MTMR2: variants seen among roughly 807,000 people sequenced by gnomAD.
The protein encoded by MTMR2 is myotubularin related protein 2.
Under a neutral mutation model 86.9 loss-of-function variants are expected in MTMR2, and 55 were observed. The ratio of observed to expected loss-of-function variants is 0.63; its 90% CI spans 0.51 to 0.79. MTMR2 has a LOEUF of 0.79. MTMR2 is among the 30% of genes least tolerant of loss of function. The pLI is 0.00. For missense variants in MTMR2, 659 were observed against 772.3 expected (o/e 0.85, Z 1.74); for synonymous variants, 241 against 266.8 (o/e 0.90, Z 0.94).
At chr11:95,891,063 TA>T (rs1424639231) in intron 1 of MTMR2, among the ~76,000 whole-genome samples, 1 of 152,188 alleles carries the variant, frequency 6.6e-6, no homozygotes, top group Non-Finnish European at 1.5e-5. Context: ...GAAAAACTCT[TA>T]AAGGCAATTG....
chr11:95,847,240 G>A (rs923317796), intron 10 of MTMR2, among the ~76,000 whole-genome samples: 8 of 152,074 alleles, frequency 5.3e-5, no homozygotes, highest in Admixed American at 1.3e-4. Flanking sequence ...CTATTCACAC[G>A]GATAGTGCTG....
chr11:95,855,842 G>C (rs1202659706), intron 7 of MTMR2, among the ~76,000 whole-genome samples: 2 of 152,118 alleles, frequency 1.3e-5, no homozygotes, highest in African/African-American at 4.8e-5. Context: ...ATTCATTCAA[G>C]AGCCTACATC....
chr11:95,905,433 T>C (rs1278320031), intron 1 of MTMR2, among the ~76,000 whole-genome samples: 2 of 151,916 alleles, frequency 1.3e-5, no homozygotes, highest in African/African-American at 4.8e-5. Flanking sequence ...CGGCATCCTG[T>C]AATTGACAAC....
At chr11:95,841,953 G>C (rs2135418012) in intron 11 of MTMR2, among the ~76,000 whole-genome samples, 1 of 152,126 alleles carries the variant, frequency 6.6e-6, no homozygotes, top group East Asian at 1.9e-4. Flanking sequence ...TAAAAGCCAG[G>C]CATGGTGGCG....
intron 7 of MTMR2, among the ~76,000 whole-genome samples, chr11:95,855,987 A>C (rs1864195216): frequency 6.6e-6 from 1 of 152,204 alleles, no homozygotes; most frequent in Admixed American, 6.5e-5. Context: ...TAAAACAGTA[A>C]ATTTTATGGT....
chr11:95,902,481 C>A (rs1290012536), intron 1 of MTMR2, among the ~76,000 whole-genome samples: 1 of 152,140 alleles, frequency 6.6e-6, no homozygotes, highest in Admixed American at 6.5e-5. Context: ...TTACAACTAT[C>A]CACATTAAAA....
intron 1 of MTMR2, among the ~76,000 whole-genome samples, chr11:95,908,248 C>T (rs1866364826): frequency 6.6e-6 from 1 of 151,548 alleles, no homozygotes. Context: ...TTCACAATAC[C>T]TATAAAAAAA....
intron 2 of MTMR2, among the ~76,000 whole-genome samples, chr11:95,875,784 G>C (rs1865087331): frequency 6.6e-6 from 1 of 151,968 alleles, no homozygotes; most frequent in Non-Finnish European, 1.5e-5. Flanking sequence ...TTTTGGTGTG[G>C]ATGTCCTTTC....
At position 95,865,692 on chromosome 11, in the gene MTMR2, C is replaced by CA. The variant is rs1195059303; in HGVS notation, c.187-17dup. On this transcript the variant is annotated splice_polypyrimidine_tract_variant and intron_variant, in intron 2 of 14. Coordinates refer to ENST00000346299, the MANE Select transcript of MTMR2 (RefSeq NM_016156.6). The stretch of plus-strand genomic sequence containing the variant: ...CCCTCAGGACCTGGGGTGGGAAAGA[C>CA]AAAAAAAGAAACATTTTTTTATTCA... 2 of 1,586,236 alleles carry CA rather than the reference C, an allele frequency of 1.3e-6. No individual in the cohort carries two copies. The highest frequency in any genetic ancestry group is 1.3e-5 in the African/African-American group (1 of 74,574).
At chr11:95,889,531 C>G (rs532234090) in intron 1 of MTMR2, among the ~76,000 whole-genome samples, 1 of 117,446 alleles carries the variant, frequency 8.5e-6, no homozygotes, top group Non-Finnish European at 1.8e-5. Context: ...GGGAGGGGGG[C>G]GGGGGAGAAA....
chr11:95,886,903 C>A (rs1865533232), intron 2 of MTMR2, among the ~76,000 whole-genome samples: 1 of 152,040 alleles, frequency 6.6e-6, no homozygotes, highest in Non-Finnish European at 1.5e-5. Context: ...GATTTATAAC[C>A]ATTCTTGTTA....
intron 2 of MTMR2, among the ~76,000 whole-genome samples, chr11:95,869,161 C>A (rs1289690289): frequency 6.6e-6 from 1 of 151,464 alleles, no homozygotes; most frequent in Non-Finnish European, 1.5e-5. Flanking sequence ...GATATTAATA[C>A]CCACCTTAAA....
Position 95,847,759 on chromosome 11 carries a change from G to GT in MTMR2, c.1133dup (p.His378GlnfsTer5). On this transcript the variant is annotated frameshift_variant, in exon 10 of 15. Coordinates refer to ENST00000346299, the MANE Select transcript of MTMR2 (RefSeq NM_016156.6). LOFTEE classifies it high-confidence loss of function. Reference sequence around the variant, plus strand: ...GAGTAGATTCCAAGTTAGACAACCAGTGGGTTTCCTCAATGTTGGGGTACA... The same window carrying GT: ...GAGTAGATTCCAAGTTAGACAACCAGTTGGGTTTCCTCAATGTTGGGGTACA... 3 of 1,613,608 alleles carry GT rather than the reference G, an allele frequency of 1.9e-6. No homozygotes were observed. The highest frequency in any genetic ancestry group is 2.5e-6 in the Non-Finnish European group (3 of 1,179,582).
chr11:95,904,628 T>A (rs1866189057), intron 1 of MTMR2, among the ~76,000 whole-genome samples: 1 of 152,190 alleles, frequency 6.6e-6, no homozygotes, highest in South Asian at 2.1e-4. Context: ...CTACACTCCC[T>A]CAAGTACCAT....
In MTMR2 at chr11:95,833,817, A is replaced by G. The variant is rs1863130837; in HGVS notation, c.*1473T>C. 1 of 152,094 alleles carries G rather than the reference A, an allele frequency of 6.6e-6. No homozygotes were observed. The highest frequency in any genetic ancestry group is 1.5e-5 in the Non-Finnish European group (1 of 67,978). The allele number at this position is 152,094 out of a possible 1,614,324, so 9.4% of individuals were successfully genotyped here. A position where few individuals can be genotyped will look rare whatever the true frequency, so the allele number is the denominator to read the frequency against. The stretch of plus-strand genomic sequence containing the variant: ...TAAAAAGCTTATATTTCACACAATT[A>G]CCAAAGAAATCATTTTGGTACCAAT... On this transcript the variant is annotated 3_prime_UTR_variant, in exon 15 of 15. Transcript: ENST00000346299.
At chr11:95,909,228 GA>G (rs532598272) in intron 1 of MTMR2, among the ~76,000 whole-genome samples, 148 of 152,174 alleles carry the variant, frequency 9.7e-4, no homozygotes, top group African/African-American at 2.9e-3. Flanking sequence ...GGTGGGGGGG[GA>G]AAATTACTCT....
At chr11:95,885,684 G>C (rs1473310766) in intron 2 of MTMR2, among the ~76,000 whole-genome samples, 1 of 151,886 alleles carries the variant, frequency 6.6e-6, no homozygotes, top group African/African-American at 2.4e-5. Flanking sequence ...AAAACATCTT[G>C]TTAGATGTTC....
intron 2 of MTMR2, among the ~76,000 whole-genome samples, chr11:95,873,243 T>C (rs1479180014): frequency 6.6e-6 from 1 of 152,190 alleles, no homozygotes; most frequent in Non-Finnish European, 1.5e-5. Flanking sequence ...GTCCTGGACT[T>C]TTTTTGGTTG....
intron 11 of MTMR2, among the ~76,000 whole-genome samples, chr11:95,844,399 T>C (rs540590009): frequency 8.1e-4 from 124 of 152,302 alleles, no homozygotes; most frequent in Non-Finnish European, 1.4e-3. Context: ...GGTCCACTTA[T>C]ATGCAGATTT....
Sources: gnomAD v4.1 joint callset for allele counts (sites outside exome capture counted in the v4.1 genomes callset) on GRCh38, gnomAD v4.1.1 for gene constraint, MANE v1.5 for transcripts, NCBI Gene and HGNC (gene_info 2026-07-23, HGNC 2026-07-21) for gene names.